Variants in GALNT1 observed in about 807,000 individuals in gnomAD.
The protein encoded by GALNT1 is polypeptide N-acetylgalactosaminyltransferase 1, also known as GalNAc transferase 1.
GALNT1 carries 17 observed loss-of-function variants against 65.7 expected under a neutral mutation model. The ratio of observed to expected loss-of-function variants is 0.26; its 90% CI spans 0.18 to 0.39. The LOEUF is 0.39. GALNT1 is among the 10% of genes least tolerant of loss of function. The probability of loss-of-function intolerance (pLI) is 1.00; values close to 1 mark genes in which losing one functional copy is unlikely to be tolerated. For synonymous variants in GALNT1, 210 were observed against 219.7 expected, an observed-to-expected ratio of 0.96 and a Z score of 0.39; for missense variants, 460 against 672.8, an observed-to-expected ratio of 0.68 and a Z score of 3.50.
At chr18:35,645,895 G>A (rs1489300035) in intron 1 of GALNT1, among the ~76,000 whole-genome samples, 1 of 152,114 alleles carries the variant, frequency 6.6e-6, no homozygotes, top group African/African-American at 2.4e-5. Flanking sequence ...CGGTTGCTGA[G>A]TAATGAATTA....
chr18:35,660,726 T>C (rs948073076), intron 2 of GALNT1, among the ~76,000 whole-genome samples: 3 of 152,244 alleles, frequency 2.0e-5, no homozygotes, highest in African/African-American at 7.2e-5. Flanking sequence ...GTAACATATA[T>C]TCACTAACCA....
chr18:35,588,818 A>G (rs565172494), intron 1 of GALNT1, among the ~76,000 whole-genome samples: 1 of 152,128 alleles, frequency 6.6e-6, no homozygotes, highest in African/African-American at 2.4e-5. Flanking sequence ...TGTTTCAAGC[A>G]TGCTTGTAAT....
At chr18:35,678,041 T>A (rs2047735545) in intron 4 of GALNT1, among the ~76,000 whole-genome samples, 1 of 151,672 alleles carries the variant, frequency 6.6e-6, no homozygotes, top group African/African-American at 2.4e-5. Context: ...GTGAAAAAAC[T>A]CTCATCATTT....
intron 1 of GALNT1, among the ~76,000 whole-genome samples, chr18:35,607,947 A>C (rs1197204247): frequency 1.3e-5 from 2 of 152,134 alleles, no homozygotes; most frequent in Non-Finnish European, 2.9e-5. Context: ...GATGTCTTGC[A>C]GTGTGCTTCA....
At chr18:35,651,480 TAATG>T (rs1018377082) in intron 1 of GALNT1, among the ~76,000 whole-genome samples, 2 of 152,202 alleles carry the variant, frequency 1.3e-5, no homozygotes, top group African/African-American at 4.8e-5. Flanking sequence ...TTGGATCAAA[TAATG>T]AAGTCTGAAG....
At chr18:35,652,745 C>A (rs2047327189) in intron 1 of GALNT1, among the ~76,000 whole-genome samples, 2 of 152,202 alleles carry the variant, frequency 1.3e-5, no homozygotes, top group Admixed American at 1.3e-4. Flanking sequence ...GTGCCACACA[C>A]CCCTCTTCTC....
intron 2 of GALNT1, among the ~76,000 whole-genome samples, chr18:35,656,448 A>G (rs970105314): frequency 2.0e-5 from 3 of 152,248 alleles, no homozygotes; most frequent in Admixed American, 6.5e-5. Context: ...CAAGAGTAGA[A>G]AGGAAGGAAT....
chr18:35,700,272 G>A (rs1046091521), intron 9 of GALNT1, among the ~76,000 whole-genome samples: 27 of 152,198 alleles, frequency 1.8e-4, no homozygotes, highest in African/African-American at 6.5e-4. Flanking sequence ...TATTTGTTGA[G>A]CCAAACAGAA....
intron 1 of GALNT1, among the ~76,000 whole-genome samples, chr18:35,601,705 C>G (rs78340606): frequency 0.015 from 2,350 of 152,180 alleles, 29 homozygotes; most frequent in African/African-American, 0.027. Flanking sequence ...TGTTTTGTGG[C>G]CTGCCAGATG....
chr18:35,594,342 T>G (rs894616538), intron 1 of GALNT1, among the ~76,000 whole-genome samples: 1 of 152,078 alleles, frequency 6.6e-6, no homozygotes, highest in Non-Finnish European at 1.5e-5. Context: ...TGGAAGGAAC[T>G]CCGGTCTGAT....
intron 1 of GALNT1, among the ~76,000 whole-genome samples, chr18:35,628,027 A>G (rs1173667743): frequency 1.3e-5 from 2 of 151,986 alleles, no homozygotes; most frequent in African/African-American, 4.8e-5. Flanking sequence ...GGGGAGGGGC[A>G]CCCGCCATTG....
At chr18:35,583,194 G>A (rs1238033884) in intron 1 of GALNT1, among the ~76,000 whole-genome samples, 2 of 152,206 alleles carry the variant, frequency 1.3e-5, no homozygotes, top group African/African-American at 4.8e-5. Context: ...TATTCCAAGT[G>A]TGGATGGTGT....
In GALNT1 at chr18:35,683,597, A is replaced by G. The variant is rs1324739644; in HGVS notation, c.688A>G (p.Arg230Gly). Reference protein sequence around the residue: ...EPLLARIKHDRRTVVCPIIDV... With the variant: ...EPLLARIKHDGRTVVCPIIDV... The stretch of plus-strand genomic sequence containing the variant: ...TCTCTTGGCCAGGATCAAACATGAC[A>G]GGTAATTTTCTGGTGTCTGTAAGTT... The change falls in exon 5 of 12, where the codon AGG becomes GGG. Residue 230 changes from arginine to glycine, a missense_variant and splice_region_variant. Arg to Gly is a moderately radical substitution (Grantham distance 125). Coordinates refer to ENST00000269195, the MANE Select transcript of GALNT1 (RefSeq NM_020474.4). 1 of 1,613,056 alleles carries G rather than the reference A, an allele frequency of 6.2e-7. No homozygotes were observed. Among genetic ancestry groups the G allele is most frequent in the Non-Finnish European group, 8.5e-7 (1 of 1,179,424 alleles).
At chr18:35,621,640 T>C (rs887669958) in intron 1 of GALNT1, among the ~76,000 whole-genome samples, 1 of 152,250 alleles carries the variant, frequency 6.6e-6, no homozygotes, top group African/African-American at 2.4e-5. Context: ...TTTTATGTAG[T>C]AGAAATTATT....
At chr18:35,690,289 C>A (rs1360667495) in intron 7 of GALNT1, among the ~76,000 whole-genome samples, 1 of 151,956 alleles carries the variant, frequency 6.6e-6, no homozygotes, top group Non-Finnish European at 1.5e-5. Flanking sequence ...TACAATGGAT[C>A]TAGTTGAGAT....
intron 3 of GALNT1, among the ~76,000 whole-genome samples, chr18:35,668,970 A>C (rs1038621419): frequency 6.6e-6 from 1 of 152,202 alleles, no homozygotes; most frequent in Non-Finnish European, 1.5e-5. Context: ...AGCCGGGCGC[A>C]CTGACTCACG....
At chr18:35,708,416 A>G (rs2048301023) in intron 11 of GALNT1, among the ~76,000 whole-genome samples, 1 of 151,574 alleles carries the variant, frequency 6.6e-6, no homozygotes, top group Non-Finnish European at 1.5e-5. Flanking sequence ...AAGAATAATA[A>G]ATGACTGGAA....
intron 1 of GALNT1, among the ~76,000 whole-genome samples, chr18:35,652,175 C>T (rs1476107707): frequency 6.6e-6 from 1 of 152,146 alleles, no homozygotes; most frequent in Non-Finnish European, 1.5e-5. Flanking sequence ...CTCTTAGAAG[C>T]TTACAGAGAT....
At chr18:35,644,228 GGATT>G (rs1182899275) in intron 1 of GALNT1, among the ~76,000 whole-genome samples, 1 of 152,144 alleles carries the variant, frequency 6.6e-6, no homozygotes, top group African/African-American at 2.4e-5. Flanking sequence ...CAGGAATTTT[GGATT>G]GATTATTTGC....
Sources: gnomAD v4.1 joint callset for allele counts (sites outside exome capture counted in the v4.1 genomes callset) on GRCh38, gnomAD v4.1.1 for gene constraint, MANE v1.5 for transcripts, NCBI Gene and HGNC (gene_info 2026-07-23, HGNC 2026-07-21) for gene names.